Variants in DIAPH1 observed in about 807,000 individuals in gnomAD.
DIAPH1 encodes diaphanous related formin 1.
Under a neutral mutation model 140.7 loss-of-function variants are expected in DIAPH1, and 46 were observed. The ratio of observed to expected loss-of-function variants is 0.33; its 90% confidence interval spans 0.26 to 0.42. The LOEUF (loss-of-function observed/expected upper bound fraction) is 0.42. Ranked by LOEUF, DIAPH1 falls within the 10% of genes least tolerant of loss-of-function variation. The pLI is 1.00. For synonymous variants in DIAPH1, 565 were observed against 551.6 expected (o/e 1.02, Z -0.34); for missense variants, 1,310 against 1,558.7 (o/e 0.84, Z 2.69).
intron 18 of DIAPH1, among the ~76,000 whole-genome samples, chr5:141,554,402 T>G (rs2099892230): frequency 6.6e-6 from 1 of 152,156 alleles, no homozygotes; most frequent in African/African-American, 2.4e-5. Flanking sequence ...AAACCAGTCC[T>G]ATAACCATAA....
intron 1 of DIAPH1, among the ~76,000 whole-genome samples, chr5:141,592,890 T>C (rs1028149057): frequency 6.6e-6 from 1 of 152,198 alleles, no homozygotes; most frequent in African/African-American, 2.4e-5. Flanking sequence ...AGGTAAAAGA[T>C]GTCAGACTGA....
chr5:141,518,529 C>CTTTTT, intron 27 of DIAPH1: 1 of 138,102 alleles, frequency 7.2e-6, no homozygotes, highest in Non-Finnish European at 1.5e-5. Context: ...GATAGCCCGT[C>CTTTTT]TTTTTTTTTT....
intron 27 of DIAPH1, chr5:141,518,555 C>A: frequency 6.5e-6 from 1 of 152,736 alleles, no homozygotes. Context: ...TTGATGGAAT[C>A]TCAGTCGCCC....
chr5:141,554,991 T>A (rs1321185272), intron 18 of DIAPH1, among the ~76,000 whole-genome samples: 1 of 151,956 alleles, frequency 6.6e-6, no homozygotes. Flanking sequence ...GGAAGGGGGG[T>A]ACATAACAAA....
At position 141,516,742 on chromosome 5, in the gene DIAPH1, G is replaced by T; in HGVS notation, c.*109C>A. On this transcript the variant is annotated 3_prime_UTR_variant, in exon 28 of 28. Coordinates refer to ENST00000389054, the MANE Select transcript of DIAPH1 (RefSeq NM_005219.5). ...CAGAGAGAAAGACAGGGTCAGGGTG[G>T]TGGGAGTGGCCACCCCAGAGGAATA... 8.2e-7 allele frequency: 1 copy of T among 1,213,634 alleles called. No homozygotes were observed. The highest frequency in any genetic ancestry group is 1.2e-6 in the Non-Finnish European group (1 of 836,308). The allele number at this position is 1,213,634 out of a possible 1,614,324, so 75.2% of individuals were successfully genotyped here. A position where few individuals can be genotyped will look rare whatever the true frequency, so the allele number is the denominator to read the frequency against.
intron 18 of DIAPH1, among the ~76,000 whole-genome samples, chr5:141,539,292 T>G (rs1294191022): frequency 6.6e-6 from 1 of 151,052 alleles, no homozygotes; most frequent in Non-Finnish European, 1.5e-5. Context: ...AAAAAAAGAG[T>G]TGTCAAATAT....
At chr5:141,592,013 C>T (rs2099898558) in intron 1 of DIAPH1, among the ~76,000 whole-genome samples, 3 of 146,304 alleles carry the variant, frequency 2.1e-5, no homozygotes, top group East Asian at 4.0e-4. Flanking sequence ...ACCCGGGAGG[C>T]GGAGGTTGCA....
At chr5:141,525,260 C>T (rs755998737) in intron 26 of DIAPH1, among the ~76,000 whole-genome samples, 7 of 152,172 alleles carry the variant, frequency 4.6e-5, no homozygotes, top group Admixed American at 1.3e-4. Flanking sequence ...TCCTAACAAA[C>T]TCAGCAGCTC....
intron 18 of DIAPH1, among the ~76,000 whole-genome samples, chr5:141,558,661 A>C (rs769746764): frequency 3.4e-4 from 52 of 152,156 alleles, no homozygotes; most frequent in Non-Finnish European, 5.1e-4. Context: ...ATTTGTACCT[A>C]TTCTACAGGG....
At chr5:141,591,695 GATATATATATATATAT>G (rs56117502) in intron 1 of DIAPH1, among the ~76,000 whole-genome samples, 27,551 of 86,382 alleles carry the variant, frequency 0.32, 5,280 homozygotes, top group Admixed American at 0.48. Flanking sequence ...GGGAGATGGG[GATATATATATATATAT>G]ATATATATAT....
Position 141,526,051 on chromosome 5 carries a change from T to C in DIAPH1, c.3561A>G (p.Ile1187Met). 2 of 1,614,110 alleles carry C rather than the reference T, an allele frequency of 1.2e-6. No homozygotes were observed. Among genetic ancestry groups the C allele is most frequent in the Non-Finnish European group, 1.7e-6 (2 of 1,180,026 alleles). Residue 1187 changes from isoleucine to methionine, a missense_variant, in exon 26 of 28, where the codon ATA becomes ATG. By Grantham distance (10) the Ile-to-Met change is conservative. Transcript: ENST00000389054. ...TTCACTCCTCACCTGCATTCATGTC[T>C]ATGAGTTGCTCTCTCTTCTGCTGCT... ...LEKQQKREQLIDMNAEGDETG... is the reference protein window; with the variant it reads ...LEKQQKREQLMDMNAEGDETG...
At position 141,591,192 on chromosome 5, in the gene DIAPH1, C is replaced by T. The variant is rs140795617; in HGVS notation, c.118-2942G>A. Among the ~76,000 whole-genome samples the T allele has an allele frequency of 8.1e-4, 123 of 152,190 alleles. 3 individuals are homozygous for T. In the East Asian group the frequency reaches 0.022, roughly 27 times the overall value. ...TTGCCCTAGGCTGCTGCCTCCTCAG[C>T]CTAGATTGTGCTTTCACAACTCCAA... On this transcript the variant is annotated intron_variant, in intron 1 of 27. Transcript: ENST00000389054.
Position 141,574,000 on chromosome 5 carries a change from G to A in DIAPH1, c.1850C>T (p.Pro617Leu), listed in dbSNP as rs1312869698. The change falls in exon 16 of 28, where the codon CCT becomes CTT. Residue 617 changes from proline to leucine, a missense_variant. Coordinates refer to ENST00000389054, the MANE Select transcript of DIAPH1 (RefSeq NM_005219.5). Reference sequence around the variant, plus strand: ...AACACCCCCAGGCAAAGGAGGTGGAGGAGGAGGAGGAGGAGGAGGAGGAGG... The same window carrying A: ...AACACCCCCAGGCAAAGGAGGTGGAAGAGGAGGAGGAGGAGGAGGAGGAGG... ...TPPPPPPPPP[P>L]PPPLPGGVCI... 1.3e-6 allele frequency: 2 copies of A among 1,507,336 alleles called. No individual in the cohort carries two copies. Among genetic ancestry groups the A allele is most frequent in the Admixed American group, 4.0e-5 (2 of 49,584 alleles). The allele number at this position is 1,507,336 out of a possible 1,614,324, so 93.4% of individuals were successfully genotyped here.
At chr5:141,588,490 AG>A (rs1310245900) in intron 1 of DIAPH1, among the ~76,000 whole-genome samples, 111 of 151,608 alleles carry the variant, frequency 7.3e-4, no homozygotes, top group Non-Finnish European at 1.4e-3. Flanking sequence ...AAAAAAAAAA[AG>A]AAGATGATGC....
intron 18 of DIAPH1, among the ~76,000 whole-genome samples, chr5:141,551,869 G>C (rs1484451264): frequency 6.6e-6 from 1 of 152,124 alleles, no homozygotes; most frequent in Non-Finnish European, 1.5e-5. Context: ...AGTGCACACA[G>C]AACATTTATA....
chr5:141,542,015 C>G (rs988196351), intron 18 of DIAPH1, among the ~76,000 whole-genome samples: 2 of 152,192 alleles, frequency 1.3e-5, no homozygotes, highest in Admixed American at 1.3e-4. Context: ...AACGGAATCA[C>G]CATGTGACCT....
At chr5:141,564,549 C>G (rs1044268552) in intron 18 of DIAPH1, 2 of 152,340 alleles carry the variant, frequency 1.3e-5, no homozygotes, top group African/African-American at 2.4e-5. Context: ...ACATCAGCAG[C>G]CTTCGCGCAA....
chr5:141,607,035 A>G (rs529327597), intron 1 of DIAPH1, among the ~76,000 whole-genome samples: 1 of 152,212 alleles, frequency 6.6e-6, no homozygotes, highest in African/African-American at 2.4e-5. Flanking sequence ...CATTAAAACT[A>G]AAATATAAAA....
chr5:141,533,500 AAATC>A (rs928925494), intron 19 of DIAPH1, among the ~76,000 whole-genome samples: 16 of 152,326 alleles, frequency 1.1e-4, no homozygotes, highest in Admixed American at 7.2e-4. Flanking sequence ...TAGTTATTTT[AAATC>A]ACAAAGTAAT....
Sources: allele counts gnomAD v4.1 joint callset (sites outside exome capture counted in the v4.1 genomes callset), GRCh38; gene constraint gnomAD v4.1.1; transcripts MANE v1.5; gene names NCBI Gene and HGNC (gene_info 2026-07-23, HGNC 2026-07-21).